PTGR1: variants seen among roughly 807,000 people sequenced by gnomAD.
The protein encoded by PTGR1 is 15-oxoprostaglandin 13-reductase.
In PTGR1, 23 loss-of-function variants were observed where a neutral mutation model predicts 37.7. The ratio of observed to expected loss-of-function variants is 0.61; its 90% CI spans 0.44 to 0.86. The LOEUF (loss-of-function observed/expected upper bound fraction) is 0.86. PTGR1 is among the 40% of genes least tolerant of loss of function. PTGR1 has a pLI of 0.00. For synonymous variants in PTGR1, 134 were observed against 140.0 expected, an observed-to-expected ratio of 0.96 and a Z score of 0.30; for missense variants, 351 against 394.3, an observed-to-expected ratio of 0.89 and a Z score of 0.93.
At chr9:111,585,106 T>G (rs1253026711) in intron 5 of PTGR1, among the ~76,000 whole-genome samples, 1 of 152,100 alleles carries the variant, frequency 6.6e-6, no homozygotes, top group Admixed American at 6.6e-5. Context: ...AGCCTCTGAC[T>G]ATATTTGGGG....
At chr9:111,560,787 C>G (rs1166600648), downstream of PTGR1, among the ~76,000 whole-genome samples, 2 of 144,928 alleles carry the variant, frequency 1.4e-5, no homozygotes, top group African/African-American at 5.2e-5. Flanking sequence ...ACTAAAAATA[C>G]AAAACACTAG....
rs3031175 is a variant in PTGR1 at position 111,564,277 on chromosome 9, TTTATTATTATTATTATTA to T, written c.880-1064_880-1047del. 178 of 486,366 alleles carry T rather than the reference TTTATTATTATTATTATTA, an allele frequency of 3.7e-4. 6 individuals carry two copies. The highest frequency in any genetic ancestry group is 2.2e-3 in the African/African-American group (93 of 42,906). The allele number at this position is 486,366 out of a possible 1,614,324, so 30.1% of individuals were successfully genotyped here. ...AAGTAGGGAAGCTGAAATTTAAACT[TTTATTATTATTATTATTA>T]TTATTATTATTATTATTATTATTAT... On this transcript the variant is annotated intron_variant, in intron 9 of 9. Transcript: ENST00000407693.
intron 7 of PTGR1, among the ~76,000 whole-genome samples, chr9:111,578,515 C>T (rs1158009768): frequency 6.6e-6 from 1 of 152,268 alleles, no homozygotes; most frequent in East Asian, 1.9e-4. Flanking sequence ...CAACCTAGAT[C>T]CCTCACATGC....
At chr9:111,583,329 A>C (rs1199919017) in intron 6 of PTGR1, 143 bp downstream of exon 6, 1 of 693,024 alleles carries the variant, frequency 1.4e-6, no homozygotes, top group Non-Finnish European at 2.5e-6. Flanking sequence ...AGTTTTCCCC[A>C]TTCCTCCAAT....
intron 8 of PTGR1, among the ~76,000 whole-genome samples, chr9:111,572,756 C>CAAAAAAAAAA (rs58101079): frequency 2.7e-4 from 17 of 63,470 alleles, no homozygotes; most frequent in East Asian, 6.5e-4. Context: ...GACCCTGTCT[C>CAAAAAAAAAA]AAAAAAAAAA....
chr9:111,564,133 G>A (rs41279065), intron 9 of PTGR1: 10,434 of 459,092 alleles, frequency 0.023, 174 homozygotes, highest in South Asian at 0.033. Flanking sequence ...TTTTTAAGGG[G>A]TCTTATATAG....
intron 9 of PTGR1, chr9:111,564,351 G>A (rs1290771675): frequency 2.0e-6 from 1 of 504,890 alleles, no homozygotes; most frequent in Non-Finnish European, 2.7e-6. Flanking sequence ...TGTCACCTAG[G>A]TTTGAGTGCA....
At chr9:111,561,133 AGAGAGGAGAGAGAGG>A (rs1828294381), downstream of PTGR1, among the ~76,000 whole-genome samples, 2 of 58,010 alleles carry the variant, frequency 3.4e-5, no homozygotes, top group African/African-American at 1.1e-4. Flanking sequence ...AGAGAGAGAG[AGAGAGGAGAGAGAGG>A]GAGAGAGAGA....
intron 9 of PTGR1, among the ~76,000 whole-genome samples, chr9:111,569,549 G>A (rs537205715): frequency 5.9e-5 from 9 of 152,226 alleles, no homozygotes; most frequent in Non-Finnish European, 8.8e-5. Flanking sequence ...AGACTGAGGC[G>A]GGCGCATCAC....
At chr9:111,599,356 A>G (rs1829874587) in intron 1 of PTGR1, 1 of 152,378 alleles carries the variant, frequency 6.6e-6, no homozygotes, top group Non-Finnish European at 1.5e-5. Flanking sequence ...CCCGGGTTGT[A>G]ACCAAGCTTT....
At chr9:111,552,852 A>G (rs2132286242) in intron 9 of PTGR1, among the ~76,000 whole-genome samples, 1 of 152,254 alleles carries the variant, frequency 6.6e-6, no homozygotes, top group Non-Finnish European at 1.5e-5. Context: ...CCAAGAGCAA[A>G]ATTGTTTAAT....
At chr9:111,568,474 C>A (rs1445470542) in intron 9 of PTGR1, among the ~76,000 whole-genome samples, 3 of 152,134 alleles carry the variant, frequency 2.0e-5, no homozygotes, top group African/African-American at 7.2e-5. Context: ...AGATGTTTAT[C>A]AAGACAATAT....
At chr9:111,574,643 T>C in intron 8 of PTGR1, 91 bp downstream of exon 8, 1 of 762,144 alleles carries the variant, frequency 1.3e-6, no homozygotes, top group South Asian at 2.3e-5. Context: ...ATCTTTCTAA[T>C]AATTTCAGAG....
At chr9:111,568,385 G>A (rs1828666412) in intron 9 of PTGR1, among the ~76,000 whole-genome samples, 1 of 152,144 alleles carries the variant, frequency 6.6e-6, no homozygotes, top group African/African-American at 2.4e-5. Flanking sequence ...AGGCTTATTA[G>A]GGTGGGGGAA....
chr9:111,579,727 G>A (rs1013321413), intron 6 of PTGR1, among the ~76,000 whole-genome samples: 4 of 152,192 alleles, frequency 2.6e-5, no homozygotes, highest in East Asian at 1.9e-4. Context: ...TAAAGTGCTC[G>A]GATTACAGGC....
rs58142522 is a variant in PTGR1, at chr9:111,592,986, C to CAAAAAAAAAAAA, written c.153-16_153-5dup. The CAAAAAAAAAAAA allele has an allele frequency of 1.4e-5, 13 of 961,392 alleles. No homozygotes were observed. The highest frequency in any genetic ancestry group is 6.7e-5 in the African/African-American group (2 of 29,996). The allele number at this position is 961,392 out of a possible 1,614,324, so 59.6% of individuals were successfully genotyped here. Reference sequence around the variant, plus strand: ...CTTCAATCTTTTGGCTGCCACTCTGCAAAAAAAAAAAAAAAAAAAAAAAAA... The same window carrying CAAAAAAAAAAAA: ...CTTCAATCTTTTGGCTGCCACTCTGCAAAAAAAAAAAAAAAAAAAAAAAAAAAAAAAAAAAAA... On this transcript the variant is annotated splice_polypyrimidine_tract_variant and splice_region_variant and intron_variant, in intron 3 of 9. Coordinates refer to ENST00000407693, the MANE Select transcript of PTGR1 (RefSeq NM_001146108.2).
intron 2 of PTGR1, 40 bp downstream of exon 2, chr9:111,597,277 C>T: frequency 6.9e-7 from 1 of 1,446,678 alleles, no homozygotes. Flanking sequence ...CTAACTGATA[C>T]AGTCCCTTCC....
rs1828742434 is a variant in PTGR1, at chr9:111,570,096, A to T, written c.874T>A (p.Leu292Ile). Residue 292 changes from leucine to isoleucine, a missense_variant, in exon 9 of 10, where the codon TTA becomes ATA. Coordinates refer to ENST00000407693, the MANE Select transcript of PTGR1 (RefSeq NM_001146108.2). ...KALKDLLKWV[L>I]EGKIQYKEYI... ...GTGGCTCCGGAGCTCCTTACCTCTA[A>T]GACCCATTTCAGCAAGTCCTTCAGA... The T allele has an allele frequency of 6.2e-7, 1 of 1,614,132 alleles. No homozygotes were observed. Among genetic ancestry groups the T allele is most frequent in the African/African-American group, 1.3e-5 (1 of 75,034 alleles).
chr9:111,597,363 A>C lies in PTGR1; in HGVS notation c.60T>G (p.Ser20Arg), dbSNP rs769329409. Residue 20 changes from serine to arginine, a missense_variant, in exon 2 of 10, where the codon AGT (serine) becomes AGG (arginine). Transcript: ENST00000407693. ...GCTCAGCTGTCTTCAACTCAAAGTC[A>C]CTATTAGTAGGATAGCCAACAAAGT... ...KKHFVGYPTN[S>R]DFELKTAELP... The C allele has an allele frequency of 1.2e-6, 2 of 1,613,534 alleles. No homozygotes were observed. Among genetic ancestry groups the C allele is most frequent in the Non-Finnish European group, 8.5e-7 (1 of 1,179,810 alleles).
Sources: gnomAD v4.1 joint callset for allele counts (sites outside exome capture counted in the v4.1 genomes callset) on GRCh38, gnomAD v4.1.1 for gene constraint, MANE v1.5 for transcripts, NCBI Gene and HGNC (gene_info 2026-07-23, HGNC 2026-07-21) for gene names.